The following HSPBAP1 variants were observed in gnomAD, a reference collection of about 807,000 sequenced individuals.
HSPBAP1 encodes HSPB1 associated protein 1, also known as HSPB1-associated protein 1.
A neutral mutation model predicts 45.2 loss-of-function variants in HSPBAP1; 27 were observed. The ratio of observed to expected loss-of-function variants is 0.60; its 90% CI spans 0.44 to 0.82. The LOEUF (loss-of-function observed/expected upper bound fraction) is 0.82, where lower values mean the gene tolerates loss of function less well. Ranked by LOEUF, HSPBAP1 falls within the 40% of genes least tolerant of loss-of-function variation. The probability of loss-of-function intolerance (pLI) is 0.00; values close to 1 mark genes in which losing one functional copy is unlikely to be tolerated. For synonymous variants in HSPBAP1, 204 were observed against 202.7 expected (o/e 1.01, Z -0.06); for missense variants, 510 against 590.9 (o/e 0.86, Z 1.42).
At chr3:122,770,753 T>A (rs1560145239) in intron 2 of HSPBAP1, among the ~76,000 whole-genome samples, 1 of 152,020 alleles carries the variant, frequency 6.6e-6, no homozygotes, top group Non-Finnish European at 1.5e-5. Flanking sequence ...CATCAAAAAT[T>A]TACCATAAAA....
At chr3:122,770,468 G>A (rs1026404673) in intron 2 of HSPBAP1, among the ~76,000 whole-genome samples, 1 of 152,192 alleles carries the variant, frequency 6.6e-6, no homozygotes, top group Non-Finnish European at 1.5e-5. Flanking sequence ...GGAGGCCGAG[G>A]TGGGAGGACT....
At chr3:122,764,989 C>T (rs1207351061) in intron 3 of HSPBAP1, among the ~76,000 whole-genome samples, 1 of 152,164 alleles carries the variant, frequency 6.6e-6, no homozygotes, top group Admixed American at 6.5e-5. Context: ...TGTAACATGT[C>T]TTGGACTTTA....
In HSPBAP1 at chr3:122,740,353, T is replaced by C; in HGVS notation, c.1459A>G (p.Ser487Gly). 6.3e-7 allele frequency: 1 copy of C among 1,596,104 alleles called. No homozygotes were observed. The highest frequency in any genetic ancestry group is 8.6e-7 in the Non-Finnish European group (1 of 1,167,110). The change falls in exon 8 of 8, where the codon AGT becomes GGT. Residue 487 changes from serine to glycine, a missense_variant. Physicochemically the swap from Ser to Gly is moderately conservative, Grantham distance 56. Transcript: ENST00000306103. ...IVAQLLIQGR[S>G]L ...GTCATCTTCCACTTGAATCATAAAC[T>C]TCTTCCTTGTATCAAAAGTTGTGCC...
Position 122,740,289 on chromosome 3 carries a change from C to T in HSPBAP1, c.*56G>A. 1.8e-6 allele frequency: 2 copies of T among 1,091,230 alleles called. No individual in the cohort carries two copies. The highest frequency in any genetic ancestry group is 2.5e-6 in the Non-Finnish European group (2 of 805,702). 67.6% of individuals were successfully genotyped at this position (1,091,230 alleles called of 1,614,324 possible). A position where few individuals can be genotyped will look rare whatever the true frequency, so the allele number is the denominator to read the frequency against. On this transcript the variant is annotated 3_prime_UTR_variant, in exon 8 of 8. Coordinates refer to ENST00000306103, the MANE Select transcript of HSPBAP1 (RefSeq NM_024610.6). ...CTGGTTCATCTTTATTTTAGTCATA[C>T]TACTTAAAAATATATATTTAAAAAA...
At chr3:122,757,153 CCTT>C (rs1934384473) in intron 4 of HSPBAP1, among the ~76,000 whole-genome samples, 1 of 152,196 alleles carries the variant, frequency 6.6e-6, no homozygotes, top group Admixed American at 6.5e-5. Flanking sequence ...ATGCATGAAT[CCTT>C]CTATTAGAAA....
intron 6 of HSPBAP1, among the ~76,000 whole-genome samples, chr3:122,749,566 G>A (rs1353692913): frequency 6.6e-6 from 1 of 152,060 alleles, no homozygotes; most frequent in East Asian, 1.9e-4. Context: ...AAGCTTTATG[G>A]TTAGTAGTAA....
At chr3:122,764,808 T>C (rs1055831287) in intron 3 of HSPBAP1, among the ~76,000 whole-genome samples, 3 of 152,204 alleles carry the variant, frequency 2.0e-5, no homozygotes, top group Admixed American at 2.0e-4. Flanking sequence ...GTAAGTATCA[T>C]CATAATTGAA....
Position 122,752,579 on chromosome 3 carries a change from A to G in HSPBAP1, c.825+12T>C, listed in dbSNP as rs1312717966. Reference sequence around the variant, plus strand: ...CTTACTTAAAAAAAAAAAAAAAACAACGAAAAAGTACCAGTTCAATCCATG... The same window carrying G: ...CTTACTTAAAAAAAAAAAAAAAACAGCGAAAAAGTACCAGTTCAATCCATG... On this transcript the variant is annotated intron_variant, in intron 6 of 7. Transcript: ENST00000306103. 8 of 1,518,798 alleles carry G rather than the reference A, an allele frequency of 5.3e-6. No homozygotes were observed. In the South Asian group the frequency reaches 7.3e-5, roughly 14 times the overall value. The allele number at this position is 1,518,798 out of a possible 1,614,324, so 94.1% of individuals were successfully genotyped here.
intron 3 of HSPBAP1, among the ~76,000 whole-genome samples, chr3:122,760,435 CAGTCT>C (rs1934535044): frequency 6.6e-6 from 1 of 151,644 alleles, no homozygotes; most frequent in Non-Finnish European, 1.5e-5. Context: ...TCAGTAACTA[CAGTCT>C]AAATTTTCTA....
At chr3:122,763,384 G>A (rs970581636) in intron 3 of HSPBAP1, among the ~76,000 whole-genome samples, 1 of 152,086 alleles carries the variant, frequency 6.6e-6, no homozygotes, top group African/African-American at 2.4e-5. Context: ...GTAGGTATAT[G>A]TAAAACTTAA....
intron 2 of HSPBAP1, among the ~76,000 whole-genome samples, chr3:122,770,310 ATG>A (rs1934945276): frequency 6.6e-6 from 1 of 152,232 alleles, no homozygotes; most frequent in Non-Finnish European, 1.5e-5. Context: ...AAAGATTAAA[ATG>A]TACATATTCA....
At chr3:122,754,067 G>T in intron 5 of HSPBAP1, 1 of 195,286 alleles carries the variant, frequency 5.1e-6, no homozygotes, top group Non-Finnish European at 9.3e-6. Flanking sequence ...ATGGAAAATA[G>T]TTTGACAACT....
At chr3:122,767,655 G>A (rs185849392) in intron 3 of HSPBAP1, among the ~76,000 whole-genome samples, 2 of 152,188 alleles carry the variant, frequency 1.3e-5, no homozygotes, top group Admixed American at 1.3e-4. Context: ...TAAGCCAGGC[G>A]CAGTGGCACA....
chr3:122,750,340 T>C (rs1934084641), intron 6 of HSPBAP1, among the ~76,000 whole-genome samples: 1 of 152,176 alleles, frequency 6.6e-6, no homozygotes, highest in African/African-American at 2.4e-5. Context: ...CAGAAACAAA[T>C]AAAAAATTCT....
intron 6 of HSPBAP1, among the ~76,000 whole-genome samples, chr3:122,742,751 T>C (rs1471929763): frequency 6.6e-6 from 1 of 152,174 alleles, no homozygotes; most frequent in Non-Finnish European, 1.5e-5. Flanking sequence ...AGAAAAAAAT[T>C]CTGCCTCAAG....
rs35186596 is a variant in HSPBAP1, at chr3:122,779,040, C to CTT, written c.65-1136_65-1135dup. On this transcript the variant is annotated intron_variant, in intron 1 of 7. Transcript: ENST00000306103. ...GATAGATTTCATTTTCTTTCTTTTT[C>CTT]TTTTTTTTTTGTGAGACAGAGTCTC... Among the ~76,000 whole-genome samples the CTT allele has an allele frequency of 1.8e-4, 26 of 146,840 alleles. No individual in the cohort carries two copies. In the East Asian group the frequency reaches 2.0e-3, roughly 11 times the overall value.
chr3:122,757,427 C>T (rs1412536734), intron 4 of HSPBAP1, among the ~76,000 whole-genome samples: 1 of 152,202 alleles, frequency 6.6e-6, no homozygotes, highest in African/African-American at 2.4e-5. Flanking sequence ...TCCTTCAAGG[C>T]CCACCACAAA....
chr3:122,777,916 G>A lies in HSPBAP1; in HGVS notation c.65-10C>T, dbSNP rs893333322. On this transcript the variant is annotated splice_polypyrimidine_tract_variant and intron_variant, in intron 1 of 7. Coordinates refer to ENST00000306103, the MANE Select transcript of HSPBAP1 (RefSeq NM_024610.6). ...GGTTTGACATGTTCACCTAGAAAGAGAAATGAATACAGCAATAGATAGAAA... is the reference window on the plus strand; with the variant it reads ...GGTTTGACATGTTCACCTAGAAAGAAAAATGAATACAGCAATAGATAGAAA... 6.3e-7 allele frequency: 1 copy of A among 1,595,536 alleles called. No individual in the cohort carries two copies. Among genetic ancestry groups the A allele is most frequent in the South Asian group, 1.1e-5 (1 of 90,154 alleles).
chr3:122,756,079 T>C (rs56169620), intron 4 of HSPBAP1, among the ~76,000 whole-genome samples: 6,374 of 152,210 alleles, frequency 0.042, 446 homozygotes, highest in African/African-American at 0.14. Flanking sequence ...TAGACACTCC[T>C]ATGCTTTATG....
Sources: gnomAD v4.1 joint callset for allele counts (sites outside exome capture counted in the v4.1 genomes callset) on GRCh38, gnomAD v4.1.1 for gene constraint, MANE v1.5 for transcripts, NCBI Gene and HGNC (gene_info 2026-07-23, HGNC 2026-07-21) for gene names.